The following ZNF704 variants were observed in gnomAD, a reference collection of about 807,000 sequenced individuals.
The protein encoded by ZNF704 is glucocorticoid induced gene 1.
ZNF704 carries 10 observed loss-of-function variants against 44.7 expected under a neutral mutation model. The observed-to-expected ratio is 0.22, with a 90% CI of 0.14 to 0.38. ZNF704 has a LOEUF of 0.38. ZNF704 is among the 10% of genes least tolerant of loss of function. The pLI is 1.00. For missense variants in ZNF704, 390 were observed against 545.5 expected, an observed-to-expected ratio of 0.71 and a Z score of 2.84; for synonymous variants, 211 against 207.6, an observed-to-expected ratio of 1.02 and a Z score of -0.14.
chr8:80,829,984 C>A (rs1350585572), intron 1 of ZNF704, among the ~76,000 whole-genome samples: 1 of 152,260 alleles, frequency 6.6e-6, no homozygotes, highest in African/African-American at 2.4e-5. Flanking sequence ...GATGTAGATA[C>A]TCATTATATC....
At chr8:80,693,209 C>G in intron 2 of ZNF704, 102 bp from the exon 3 acceptor site, 1 of 909,260 alleles carries the variant, frequency 1.1e-6, no homozygotes, top group Non-Finnish European at 1.8e-6. Flanking sequence ...TAACTTATCC[C>G]CATGAACAAC....
chr8:80,751,814 C>T (rs1263632571), intron 2 of ZNF704, among the ~76,000 whole-genome samples: 1 of 152,188 alleles, frequency 6.6e-6, no homozygotes, highest in African/African-American at 2.4e-5. Context: ...GTGGCACGGT[C>T]TTGGCTCACT....
Position 80,763,229 on chromosome 8 carries a change from G to C in ZNF704, c.221+58145C>G, listed in dbSNP as rs896658840. On this transcript the variant is annotated intron_variant, in intron 2 of 8. Transcript: ENST00000327835. ...TGGCAGTGTCCCAGTGGGGACTCTGGTGGGGGCTCCAACCCCACATTTCCC... is the reference window on the plus strand; with the variant it reads ...TGGCAGTGTCCCAGTGGGGACTCTGCTGGGGGCTCCAACCCCACATTTCCC... Among the ~76,000 whole-genome samples the C allele has an allele frequency of 1.1e-4, 16 of 152,362 alleles. 1 individual carries two copies. Among genetic ancestry groups the C allele is most frequent in the African/African-American group, 3.6e-4 (15 of 41,586 alleles).
intron 7 of ZNF704, among the ~76,000 whole-genome samples, chr8:80,656,863 G>T (rs1456060101): frequency 2.9e-4 from 43 of 150,752 alleles, no homozygotes; most frequent in Admixed American, 2.6e-3. Context: ...TTTTTTTTTT[G>T]AAAAGCATTT....
chr8:80,637,928 T>C lies in ZNF704; in HGVS notation c.*3438A>G, dbSNP rs944954428. ...CCCTGCACTCTTGGCCGGAGGTACT[T>C]CCCTTCAGGTCATTCTCTCCTTGCT... On this transcript the variant is annotated 3_prime_UTR_variant, in exon 9 of 9. Coordinates refer to ENST00000327835, the MANE Select transcript of ZNF704 (RefSeq NM_001033723.3). 1 of 152,270 alleles carries C rather than the reference T, an allele frequency of 6.6e-6. No homozygotes were observed. The highest frequency in any genetic ancestry group is 6.5e-5 in the Admixed American group (1 of 15,288). The allele number at this position is 152,270 out of a possible 1,614,324, so 9.4% of individuals were successfully genotyped here.
intron 4 of ZNF704, among the ~76,000 whole-genome samples, chr8:80,678,272 C>T (rs898190797): frequency 6.6e-6 from 1 of 152,196 alleles, no homozygotes; most frequent in South Asian, 2.1e-4. Flanking sequence ...AGTGGGAAGA[C>T]TGTCAACTGT....
chr8:80,695,346 C>T (rs964756289), intron 2 of ZNF704, among the ~76,000 whole-genome samples: 3 of 152,192 alleles, frequency 2.0e-5, no homozygotes, highest in Non-Finnish European at 2.9e-5. Context: ...ACATCTCTTC[C>T]AAGACTGAAT....
intron 4 of ZNF704, among the ~76,000 whole-genome samples, chr8:80,676,014 G>A (rs1398748604): frequency 6.6e-6 from 1 of 152,142 alleles, no homozygotes; most frequent in African/African-American, 2.4e-5. Flanking sequence ...AGCAGATCAT[G>A]ATATTAAAAG....
At chr8:80,823,289 G>A (rs115428408) in intron 1 of ZNF704, among the ~76,000 whole-genome samples, 3,705 of 152,250 alleles carry the variant, frequency 0.024, 133 homozygotes, top group African/African-American at 0.081. Flanking sequence ...TGCCTGGCTC[G>A]GAGGGTCCCA....
intron 3 of ZNF704, among the ~76,000 whole-genome samples, chr8:80,692,675 A>G (rs575849768): frequency 3.0e-4 from 46 of 152,360 alleles, no homozygotes; most frequent in Non-Finnish European, 6.2e-4. Flanking sequence ...AATGCTAGGG[A>G]AAATAATTCA....
At chr8:80,821,650 A>C in intron 1 of ZNF704, 35 bp from the exon 2 acceptor site, 1 of 1,538,438 alleles carries the variant, frequency 6.5e-7, no homozygotes, top group Non-Finnish European at 9.0e-7. Context: ...TTACTCACAT[A>C]AAACATCACC....
chr8:80,763,585 T>C (rs1807168705), intron 2 of ZNF704, among the ~76,000 whole-genome samples: 1 of 152,160 alleles, frequency 6.6e-6, no homozygotes, highest in Non-Finnish European at 1.5e-5. Context: ...TTTTCCCTCC[T>C]AGGCCTCTGG....
At chr8:80,712,144 G>A (rs1818997124) in intron 2 of ZNF704, among the ~76,000 whole-genome samples, 1 of 152,194 alleles carries the variant, frequency 6.6e-6, no homozygotes, top group East Asian at 1.9e-4. Context: ...TATTGTGAGA[G>A]TGGGTTAGTT....
chr8:80,821,292 G>C (rs1192776546), intron 2 of ZNF704, 82 bp downstream of exon 2: 1 of 1,374,842 alleles, frequency 7.3e-7, no homozygotes, highest in African/African-American at 1.4e-5. Context: ...ATACTGAAGA[G>C]AGTCTGTACA....
chr8:80,854,150 T>A lies in ZNF704; in HGVS notation c.-22+20421A>T, dbSNP rs544988311. The stretch of plus-strand genomic sequence containing the variant: ...ACACAAGATATTGTGTATGAAATGA[T>A]GGTAAACAGCGTTAAGGCACTGTAA... On this transcript the variant is annotated intron_variant, in intron 1 of 8. Transcript: ENST00000327835. 7.8e-4 allele frequency among the ~76,000 whole-genome samples: 119 copies of A among 152,316 alleles called. 1 individual carries two copies. The highest frequency in any genetic ancestry group is 6.8e-3 in the Middle Eastern group (2 of 294).
At chr8:80,739,879 G>A (rs1256576416) in intron 2 of ZNF704, among the ~76,000 whole-genome samples, 1 of 152,192 alleles carries the variant, frequency 6.6e-6, no homozygotes, top group Non-Finnish European at 1.5e-5. Flanking sequence ...CACTGCCCCA[G>A]GGGATGAAAG....
At chr8:80,729,941 G>A (rs1014538464) in intron 2 of ZNF704, among the ~76,000 whole-genome samples, 6 of 152,288 alleles carry the variant, frequency 3.9e-5, no homozygotes, top group Admixed American at 1.3e-4. Context: ...GAATCACCTG[G>A]ATGGTGGCTT....
chr8:80,818,552 T>C (rs1344949157), intron 2 of ZNF704, among the ~76,000 whole-genome samples: 1 of 152,190 alleles, frequency 6.6e-6, no homozygotes, highest in Admixed American at 6.5e-5. Context: ...GTAAACACTA[T>C]GTAAATAGTT....
At chr8:80,650,005 C>A (rs1817891264) in intron 7 of ZNF704, among the ~76,000 whole-genome samples, 1 of 152,180 alleles carries the variant, frequency 6.6e-6, no homozygotes, top group South Asian at 2.1e-4. Flanking sequence ...TGCTGTTCAC[C>A]AATAACCACT....
Sources: allele counts gnomAD v4.1 joint callset (sites outside exome capture counted in the v4.1 genomes callset), GRCh38; gene constraint gnomAD v4.1.1; transcripts MANE v1.5; gene names NCBI Gene and HGNC (gene_info 2026-07-23, HGNC 2026-07-21).